The following GLP1R variants were observed in gnomAD, a reference collection of about 807,000 sequenced individuals.
GLP1R encodes glucagon-like peptide 1 receptor.
In GLP1R, 32 loss-of-function variants were observed where a neutral mutation model predicts 68.4. The observed-to-expected ratio is 0.47, with a 90% CI of 0.35 to 0.63. The LOEUF is 0.63. Among genes scored for constraint, GLP1R ranks in the 20% least tolerant of loss-of-function variants. The pLI is 0.00. For synonymous variants in GLP1R, 263 were observed against 244.4 expected (o/e 1.08, Z -0.71); for missense variants, 502 against 594.9 (o/e 0.84, Z 1.62).
intron 12 of GLP1R, among the ~76,000 whole-genome samples, chr6:39,084,754 C>T (rs1397042710): frequency 2.0e-5 from 3 of 152,254 alleles, no homozygotes; most frequent in Non-Finnish European, 4.4e-5. Context: ...GCCATCTCAA[C>T]TCTACTCAGT....
intron 1 of GLP1R, among the ~76,000 whole-genome samples, chr6:39,051,739 C>T (rs1159434199): frequency 6.6e-6 from 1 of 151,976 alleles, no homozygotes; most frequent in African/African-American, 2.4e-5. Flanking sequence ...CCCCAGTTCC[C>T]AGGTATGTGT....
chr6:39,064,653 G>A (rs1005638741), intron 3 of GLP1R, among the ~76,000 whole-genome samples: 1 of 152,160 alleles, frequency 6.6e-6, no homozygotes, highest in Non-Finnish European at 1.5e-5. Context: ...GTAAGCAGTG[G>A]CCTCTATCAG....
Position 39,065,797 on chromosome 6 carries a change from T to A in GLP1R, c.370T>A (p.Ser124Thr), listed in dbSNP as rs1335072951. 2 of 1,604,282 alleles carry A rather than the reference T, an allele frequency of 1.2e-6. No homozygotes were observed. Among genetic ancestry groups the A allele is most frequent in the Admixed American group, 3.4e-5 (2 of 58,628 alleles). ...CTCCAGCCTGCCCTGGAGGGACTTGTCGGAGTGCGAGGAGTCCAAGCGAGG... is the reference window on the plus strand; with the variant it reads ...CTCCAGCCTGCCCTGGAGGGACTTGACGGAGTGCGAGGAGTCCAAGCGAGG... Reference protein sequence around the residue: ...DNSSLPWRDLSECEESKRGER... With the variant: ...DNSSLPWRDLTECEESKRGER... The change falls in exon 4 of 13, where the codon TCG becomes ACG. Residue 124 changes from serine to threonine, a missense_variant. Ser to Thr is a moderately conservative substitution (Grantham distance 58). Coordinates refer to ENST00000373256, the MANE Select transcript of GLP1R (RefSeq NM_002062.5).
At position 39,085,943 on chromosome 6, in the gene GLP1R, G is replaced by A. The variant is rs10305510; in HGVS notation, c.1262G>A (p.Arg421Gln). The change falls in exon 13 of 13, where the codon CGG (arginine) becomes CAG (glutamine). Residue 421 changes from arginine to glutamine, a missense_variant. Physicochemically the swap from Arg to Gln is conservative, Grantham distance 43. Transcript: ENST00000373256. ...LEFRKSWERW[R>Q]LEHLHIQRDS... is the part of the protein sequence containing the mutation. ...TTTCGGAAGAGCTGGGAGCGCTGGC[G>A]GCTTGAGCACTTGCACATCCAGAGG... 1,806 of 1,613,846 alleles carry A rather than the reference G, an allele frequency of 1.1e-3. 25 individuals carry two copies. The African/African-American group carries it at 0.021, about 18-fold the overall frequency.
Position 39,079,444 on chromosome 6 carries a change from T to A in GLP1R, c.1044-120T>A. 1 of 1,049,462 alleles carries A rather than the reference T, an allele frequency of 9.5e-7. No individual in the cohort carries two copies. The highest frequency in any genetic ancestry group is 1.4e-6 in the Non-Finnish European group (1 of 722,592). 65.0% of individuals were successfully genotyped at this position (1,049,462 alleles called of 1,614,324 possible). A position where few individuals can be genotyped will look rare whatever the true frequency, so the allele number is the denominator to read the frequency against. On this transcript the variant is annotated intron_variant, in intron 10 of 12. Coordinates refer to ENST00000373256, the MANE Select transcript of GLP1R (RefSeq NM_002062.5). The surrounding 1 kb of genome is among the most constrained non-coding windows in gnomAD (Gnocchi z 4.5). ...GCAGCCTGTCCCAGGGTATTTGGGG[T>A]GGGAGAACATCCATGACCCAGATAT...
intron 7 of GLP1R, among the ~76,000 whole-genome samples, 188 bp downstream of exon 7, chr6:39,073,957 T>A (rs934464483): frequency 3.3e-5 from 5 of 152,146 alleles, no homozygotes; most frequent in African/African-American, 1.2e-4. Context: ...GGTCCTCCCC[T>A]CCTCTGCATA....
intron 5 of GLP1R, among the ~76,000 whole-genome samples, chr6:39,067,524 G>A (rs957504023): frequency 7.9e-5 from 12 of 152,134 alleles, no homozygotes; most frequent in Non-Finnish European, 1.6e-4. Flanking sequence ...CTCTTATAAG[G>A]TACTAATCCC....
chr6:39,053,725 G>A (rs1018534767), intron 1 of GLP1R, among the ~76,000 whole-genome samples: 2 of 152,124 alleles, frequency 1.3e-5, no homozygotes, highest in Non-Finnish European at 2.9e-5. Flanking sequence ...CTAATATCTG[G>A]GTGACCCAGG....
intron 3 of GLP1R, among the ~76,000 whole-genome samples, chr6:39,059,186 T>C (rs79264578): frequency 0.018 from 2,785 of 152,344 alleles, 98 homozygotes; most frequent in African/African-American, 0.064. Flanking sequence ...ATACTGCCTG[T>C]TGGAAGCACT....
chr6:39,074,822 GC>G (rs2150833345), intron 7 of GLP1R, among the ~76,000 whole-genome samples: 1 of 152,330 alleles, frequency 6.6e-6, no homozygotes, highest in South Asian at 2.1e-4. Context: ...TCAGGAAGCT[GC>G]CTCAGGCCAC....
intron 5 of GLP1R, among the ~76,000 whole-genome samples, chr6:39,069,633 G>C (rs997100890): frequency 1.2e-4 from 17 of 141,188 alleles, no homozygotes; most frequent in African/African-American, 4.4e-4. Flanking sequence ...GTGAGACTCT[G>C]TCTCAAAAAA....
intron 7 of GLP1R, among the ~76,000 whole-genome samples, chr6:39,075,243 C>T (rs1228359456): frequency 1.3e-5 from 2 of 152,232 alleles, no homozygotes; most frequent in African/African-American, 4.8e-5. Context: ...AGAACCCAGT[C>T]CCTTCCTTGG....
At chr6:39,084,124 C>G (rs560019366) in intron 12 of GLP1R, among the ~76,000 whole-genome samples, 3 of 152,030 alleles carry the variant, frequency 2.0e-5, no homozygotes, top group Non-Finnish European at 2.9e-5. Flanking sequence ...GGTTAGGAGC[C>G]GGGCATTGGA....
intron 1 of GLP1R, among the ~76,000 whole-genome samples, chr6:39,052,686 C>T (rs1768113914): frequency 6.6e-6 from 1 of 152,190 alleles, no homozygotes; most frequent in Non-Finnish European, 1.5e-5. Flanking sequence ...GCTGTCCTTC[C>T]TTCCAACGCT....
chr6:39,063,218 A>C (rs1259139434), intron 3 of GLP1R, among the ~76,000 whole-genome samples: 1 of 152,144 alleles, frequency 6.6e-6, no homozygotes, highest in African/African-American at 2.4e-5. Flanking sequence ...TTCCGCATGG[A>C]GTCAGCTCAG....
At chr6:39,075,275 T>C (rs1768783269) in intron 7 of GLP1R, among the ~76,000 whole-genome samples, 1 of 152,186 alleles carries the variant, frequency 6.6e-6, no homozygotes, top group Non-Finnish European at 1.5e-5. Context: ...CGAGGCTTCT[T>C]CCTCCTGCTA....
Position 39,088,367 on chromosome 6 carries a change from G to T in GLP1R, c.*2294G>T, listed in dbSNP as rs1483852170. 6.6e-6 allele frequency among the ~76,000 whole-genome samples: 1 copy of T among 151,846 alleles called. No individual in the cohort carries two copies. The highest frequency in any genetic ancestry group is 1.5e-5 in the Non-Finnish European group (1 of 68,000). On this transcript the variant is annotated 3_prime_UTR_variant, in exon 13 of 13. Coordinates refer to ENST00000373256, the MANE Select transcript of GLP1R (RefSeq NM_002062.5). Reference sequence around the variant, plus strand: ...TCCAAGCTTTCCTAAGCTAAATATGGCTCCAACAGGTCTGGGAACTATTGA... The same window carrying T: ...TCCAAGCTTTCCTAAGCTAAATATGTCTCCAACAGGTCTGGGAACTATTGA...
intron 3 of GLP1R, among the ~76,000 whole-genome samples, chr6:39,063,624 C>G (rs746782886): frequency 1.3e-5 from 2 of 151,986 alleles, no homozygotes. Context: ...GAAGGGGGAC[C>G]TGGTTCAGGG....
chr6:39,064,465 A>G (rs1768444380), intron 3 of GLP1R, among the ~76,000 whole-genome samples: 1 of 151,664 alleles, frequency 6.6e-6, no homozygotes, highest in Non-Finnish European at 1.5e-5. Context: ...AGAATGTTGA[A>G]CTCTTTTAAA....
Sources: gnomAD v4.1 joint callset for allele counts (sites outside exome capture counted in the v4.1 genomes callset) on GRCh38, gnomAD v4.1.1 for gene constraint, Gnocchi (gnomAD v3.1) non-coding constraint, MANE v1.5 for transcripts, NCBI Gene and HGNC (gene_info 2026-07-23, HGNC 2026-07-21) for gene names.